TTC27: variants seen among roughly 807,000 people sequenced by gnomAD.
TTC27 encodes tetratricopeptide repeat protein 27.
TTC27 carries 79 observed loss-of-function variants against 115.9 expected under a neutral mutation model. The ratio of observed to expected loss-of-function variants is 0.68; its 90% confidence interval spans 0.57 to 0.82. TTC27 has a LOEUF of 0.82. Among genes scored for constraint, TTC27 ranks in the 40% least tolerant of loss-of-function variants. The probability of loss-of-function intolerance (pLI) is 0.00; values close to 1 mark genes in which losing one functional copy is unlikely to be tolerated. For synonymous variants in TTC27, 401 were observed against 356.0 expected, an observed-to-expected ratio of 1.13 and a Z score of -1.42; for missense variants, 1,054 against 993.1, an observed-to-expected ratio of 1.06 and a Z score of -0.82.
At chr2:32,717,752 A>G (rs968717486) in intron 10 of TTC27, among the ~76,000 whole-genome samples, 9 of 152,182 alleles carry the variant, frequency 5.9e-5, no homozygotes, top group African/African-American at 2.2e-4. Flanking sequence ...GCTAATAAGT[A>G]TGGCAGTCTG....
chr2:32,697,703 C>T (rs1208742372), intron 9 of TTC27, among the ~76,000 whole-genome samples: 2 of 151,918 alleles, frequency 1.3e-5, no homozygotes, highest in African/African-American at 2.4e-5. Flanking sequence ...TTCAGGGGCA[C>T]ATAGATAATG....
chr2:32,634,857 A>G (rs929022647), intron 3 of TTC27, among the ~76,000 whole-genome samples: 2 of 151,160 alleles, frequency 1.3e-5, no homozygotes, highest in Admixed American at 6.6e-5. Context: ...GGGTTTCTCC[A>G]TGTTGGCCAG....
chr2:32,777,932 T>C lies in TTC27; in HGVS notation c.1731T>C (p.Tyr577=). The C allele has an allele frequency of 6.2e-7, 1 of 1,614,140 alleles. No homozygotes were observed. The highest frequency in any genetic ancestry group is 1.1e-5 in the South Asian group (1 of 91,076). Residue 577 remains tyrosine (Y), a synonymous_variant, in exon 14 of 20, where the codon TAT becomes TAC. Coordinates refer to ENST00000317907, the MANE Select transcript of TTC27 (RefSeq NM_017735.5). ...GTGCCTATTTGGCCTTGGAAGACTA[T>C]CAAGGTTCAGCAAAGGCATTTCAGC... The part of the protein sequence containing the change: ...LGCAYLALED[Y]QGSAKAFQRC...
intron 7 of TTC27, among the ~76,000 whole-genome samples, chr2:32,667,512 G>A (rs1167005158): frequency 6.6e-6 from 1 of 150,560 alleles, no homozygotes; most frequent in South Asian, 2.1e-4. Flanking sequence ...CGCCTCCTGG[G>A]TTTAAGCGAT....
intron 7 of TTC27, among the ~76,000 whole-genome samples, chr2:32,669,294 A>G (rs1487722445): frequency 6.6e-6 from 1 of 152,136 alleles, no homozygotes; most frequent in Admixed American, 6.5e-5. Context: ...CACCGGCCAG[A>G]ATTTAATCTT....
intron 10 of TTC27, among the ~76,000 whole-genome samples, chr2:32,712,755 C>T (rs887827820): frequency 3.9e-5 from 6 of 152,030 alleles, no homozygotes; most frequent in African/African-American, 9.7e-5. Context: ...CCACATTACC[C>T]GGGCTGGTCT....
intron 9 of TTC27, among the ~76,000 whole-genome samples, chr2:32,697,894 G>A (rs890890862): frequency 6.6e-6 from 1 of 151,946 alleles, no homozygotes; most frequent in African/African-American, 2.4e-5. Context: ...TGGAATTGTA[G>A]GTGTGCACTA....
chr2:32,781,215 T>C (rs1327769231), intron 14 of TTC27, among the ~76,000 whole-genome samples: 12 of 152,210 alleles, frequency 7.9e-5, no homozygotes, highest in Admixed American at 7.9e-4. Flanking sequence ...ATTTGGATAT[T>C]TTAACAGCTT....
At chr2:32,641,867 T>C (rs998783798) in intron 4 of TTC27, among the ~76,000 whole-genome samples, 3 of 151,924 alleles carry the variant, frequency 2.0e-5, no homozygotes, top group Non-Finnish European at 4.4e-5. Context: ...TATTTATTTA[T>C]TTTTTTGAGA....
At chr2:32,734,540 C>T (rs935365261) in intron 11 of TTC27, among the ~76,000 whole-genome samples, 2 of 152,204 alleles carry the variant, frequency 1.3e-5, no homozygotes, top group African/African-American at 4.8e-5. Context: ...AGAATACCTA[C>T]TGTAGCTCCT....
intron 9 of TTC27, among the ~76,000 whole-genome samples, chr2:32,695,718 CAAAAAAAAAAAAA>C (rs66677186): frequency 7.7e-4 from 23 of 29,734 alleles, no homozygotes; most frequent in East Asian, 3.7e-3. Context: ...GGCTCTATCT[CAAAAAAAAAAAAA>C]AAAAAAAAAA....
intron 12 of TTC27, among the ~76,000 whole-genome samples, chr2:32,748,855 T>C (rs1205490917): frequency 6.6e-6 from 1 of 151,786 alleles, no homozygotes; most frequent in African/African-American, 2.4e-5. Context: ...GCCCGGCTAA[T>C]TTTTGTATTT....
chr2:32,659,687 C>T (rs1665463382), intron 5 of TTC27, among the ~76,000 whole-genome samples: 1 of 152,002 alleles, frequency 6.6e-6, no homozygotes, highest in African/African-American at 2.4e-5. Flanking sequence ...CCTAGTCCTC[C>T]ACCCCACATG....
intron 8 of TTC27, among the ~76,000 whole-genome samples, chr2:32,672,850 A>G (rs144981721): frequency 2.2e-4 from 34 of 152,346 alleles, no homozygotes; most frequent in Admixed American, 5.9e-4. Flanking sequence ...ATAAGTTTCC[A>G]AGATGATGCT....
At chr2:32,724,738 G>A (rs1450345786) in intron 10 of TTC27, among the ~76,000 whole-genome samples, 5 of 152,214 alleles carry the variant, frequency 3.3e-5, no homozygotes, top group Admixed American at 2.6e-4. Context: ...TTGGGTATTT[G>A]GTGGAAATTC....
chr2:32,650,445 G>C (rs945074735), intron 5 of TTC27, among the ~76,000 whole-genome samples: 12 of 136,038 alleles, frequency 8.8e-5, no homozygotes, highest in African/African-American at 3.2e-4. Context: ...GTTTAAAAAA[G>C]ATAACTACTT....
intron 16 of TTC27, among the ~76,000 whole-genome samples, chr2:32,799,762 C>A (rs1450485231): frequency 6.6e-6 from 1 of 152,134 alleles, no homozygotes; most frequent in Non-Finnish European, 1.5e-5. Flanking sequence ...GAAACAGATT[C>A]AAGTAGGAAT....
chr2:32,666,520 G>A, intron 6 of TTC27, 115 bp from the exon 7 acceptor site: 5 of 1,125,276 alleles, frequency 4.4e-6, no homozygotes, highest in Non-Finnish European at 6.0e-6. Context: ...ACTTTCTTAT[G>A]TGAAATGGAG....
chr2:32,750,801 T>TATAAATTCAAC (rs1275189613), intron 12 of TTC27, among the ~76,000 whole-genome samples: 1 of 152,224 alleles, frequency 6.6e-6, no homozygotes, highest in African/African-American at 2.4e-5. Flanking sequence ...AATGGATTTT[T>TATAAATTCAAC]GTAAATTCAA....
Sources: allele counts gnomAD v4.1 joint callset (sites outside exome capture counted in the v4.1 genomes callset), GRCh38; gene constraint gnomAD v4.1.1; transcripts MANE v1.5; gene names NCBI Gene and HGNC (gene_info 2026-07-23, HGNC 2026-07-21).